The following XRCC4 variants were observed in gnomAD, a reference collection of about 807,000 sequenced individuals.
XRCC4 encodes X-ray repair cross complementing 4, also known as DNA repair protein XRCC4.
A neutral mutation model predicts 39.1 loss-of-function variants in XRCC4; 28 were observed. That is an observed-to-expected ratio of 0.72 (90% confidence interval 0.53 to 0.98). The LOEUF is 0.98. XRCC4 is among the 50% of genes least tolerant of loss of function. XRCC4 has a pLI of 0.00. For missense variants in XRCC4, 350 were observed against 376.4 expected (o/e 0.93, Z 0.58); for synonymous variants, 123 against 126.4 (o/e 0.97, Z 0.18).
chr5:83,326,191 A>G (rs1297873486), intron 7 of XRCC4, among the ~76,000 whole-genome samples: 1 of 151,990 alleles, frequency 6.6e-6, no homozygotes, highest in Non-Finnish European at 1.5e-5. Flanking sequence ...ATTTTCACCC[A>G]TTCTGTAGGT....
At chr5:83,090,219 T>C (rs972384733) in intron 1 of XRCC4, among the ~76,000 whole-genome samples, 5 of 152,148 alleles carry the variant, frequency 3.3e-5, no homozygotes, top group Non-Finnish European at 7.4e-5. Context: ...GATCTTGAAT[T>C]CCCACGTGTT....
intron 7 of XRCC4, among the ~76,000 whole-genome samples, chr5:83,293,191 C>G (rs777949483): frequency 1.8e-4 from 27 of 151,908 alleles, no homozygotes; most frequent in Non-Finnish European, 3.2e-4. Flanking sequence ...ATTCTTTACT[C>G]TTTCTTATTT....
intron 7 of XRCC4, among the ~76,000 whole-genome samples, chr5:83,313,138 A>G (rs1409599222): frequency 6.6e-6 from 1 of 151,044 alleles, no homozygotes; most frequent in Non-Finnish European, 1.5e-5. Context: ...AACAAAAACC[A>G]TGGTATAGAA....
At chr5:83,152,481 A>C (rs559269750) in intron 3 of XRCC4, among the ~76,000 whole-genome samples, 106 of 152,146 alleles carry the variant, frequency 7.0e-4, no homozygotes, top group African/African-American at 2.5e-3. Context: ...AAAAATACAA[A>C]AATTAGCTGG....
intron 1 of XRCC4, among the ~76,000 whole-genome samples, chr5:83,082,864 A>G (rs181140982): frequency 6.4e-4 from 98 of 152,212 alleles, no homozygotes; most frequent in African/African-American, 2.2e-3. Context: ...CTGGTCTCCC[A>G]TTACCTCTCT....
chr5:83,079,940 T>G (rs1028472224), intron 1 of XRCC4, among the ~76,000 whole-genome samples: 2 of 152,132 alleles, frequency 1.3e-5, no homozygotes, highest in Non-Finnish European at 2.9e-5. Context: ...TATTTGTAGT[T>G]TTCTGTGGCG....
chr5:83,302,438 G>GC (rs1357183988), intron 7 of XRCC4, among the ~76,000 whole-genome samples: 1 of 152,190 alleles, frequency 6.6e-6, no homozygotes, highest in Non-Finnish European at 1.5e-5. Context: ...CCCTTGGCTA[G>GC]CGGAGGGAGT....
At chr5:83,078,955 T>C (rs572568217) in intron 1 of XRCC4, among the ~76,000 whole-genome samples, 94 of 152,264 alleles carry the variant, frequency 6.2e-4, no homozygotes, top group Non-Finnish European at 1.2e-3. Context: ...ATGGAAATTA[T>C]GTTGTGCAAT....
intron 6 of XRCC4, among the ~76,000 whole-genome samples, chr5:83,207,262 T>C (rs1481448222): frequency 6.6e-6 from 1 of 152,120 alleles, no homozygotes; most frequent in Non-Finnish European, 1.5e-5. Context: ...TGGTTAAATA[T>C]GGCTATATGA....
At chr5:83,308,262 C>T (rs1179400942) in intron 7 of XRCC4, among the ~76,000 whole-genome samples, 1 of 152,160 alleles carries the variant, frequency 6.6e-6, no homozygotes, top group Non-Finnish European at 1.5e-5. Context: ...TAATCATTCT[C>T]AGCATTCCAT....
At chr5:83,210,690 C>T (rs1751609621) in intron 6 of XRCC4, among the ~76,000 whole-genome samples, 1 of 152,058 alleles carries the variant, frequency 6.6e-6, no homozygotes, top group East Asian at 1.9e-4. Flanking sequence ...AAAAAAGATC[C>T]TATTTGTACA....
At chr5:83,094,845 G>A (rs1307564358) in intron 1 of XRCC4, among the ~76,000 whole-genome samples, 1 of 148,382 alleles carries the variant, frequency 6.7e-6, no homozygotes, top group Non-Finnish European at 1.5e-5. Flanking sequence ...GCCACCATGT[G>A]CTGCCCATTT....
chr5:83,369,711 A>C, the XRCC4 span, among the ~76,000 whole-genome samples: 1 of 152,212 alleles, frequency 6.6e-6, no homozygotes, highest in East Asian at 1.9e-4. Context: ...TGTGATGAAC[A>C]TACAGGTGCA....
At chr5:83,080,468 G>A (rs1364939438) in intron 1 of XRCC4, among the ~76,000 whole-genome samples, 1 of 151,688 alleles carries the variant, frequency 6.6e-6, no homozygotes, top group Non-Finnish European at 1.5e-5. Context: ...GGAGGCTGCA[G>A]TGAGCCGAGA....
At chr5:83,208,934 T>C (rs2112746561) in intron 6 of XRCC4, among the ~76,000 whole-genome samples, 2 of 152,216 alleles carry the variant, frequency 1.3e-5, no homozygotes, top group Middle Eastern at 6.8e-3. Flanking sequence ...AAGATTATGA[T>C]AAATATAATA....
At chr5:83,254,073 CGTTTTTT>C (rs1266579293) in intron 6 of XRCC4, among the ~76,000 whole-genome samples, 1 of 146,558 alleles carries the variant, frequency 6.8e-6, no homozygotes, top group Non-Finnish European at 1.5e-5. Context: ...AATTGGCAAT[CGTTTTTT>C]GTTTTTTTTT....
intron 7 of XRCC4, among the ~76,000 whole-genome samples, chr5:83,291,951 C>CTGTGTGTGTGTGTG (rs34789998): frequency 6.3e-5 from 9 of 143,942 alleles, no homozygotes; most frequent in African/African-American, 2.0e-4. Flanking sequence ...ATGTGTATTT[C>CTGTGTGTGTGTGTG]TGTGTGTGTG....
intron 7 of XRCC4, among the ~76,000 whole-genome samples, chr5:83,287,193 G>A (rs934716772): frequency 6.6e-6 from 1 of 152,024 alleles, no homozygotes; most frequent in Non-Finnish European, 1.5e-5. Flanking sequence ...TGAAAAAGAA[G>A]GGCATGAATT....
At chr5:83,328,435 AC>A (rs899908347) in intron 7 of XRCC4, among the ~76,000 whole-genome samples, 1 of 152,168 alleles carries the variant, frequency 6.6e-6, no homozygotes, top group African/African-American at 2.4e-5. Flanking sequence ...TTGATACATG[AC>A]AAAAATGCAA....
Sources: gnomAD v4.1 joint callset for allele counts (sites outside exome capture counted in the v4.1 genomes callset) on GRCh38, gnomAD v4.1.1 for gene constraint, MANE v1.5 for transcripts, NCBI Gene and HGNC (gene_info 2026-07-23, HGNC 2026-07-21) for gene names.